The following PLCXD3 variants were observed in gnomAD, a reference collection of about 807,000 sequenced individuals.
The protein encoded by PLCXD3 is PI-PLC X domain-containing protein 3.
PLCXD3 carries 19 observed loss-of-function variants against 25.5 expected under a neutral mutation model. The observed-to-expected ratio is 0.75, with a 90% CI of 0.52 to 1.09. PLCXD3 has a LOEUF of 1.09. Among genes scored for constraint, PLCXD3 ranks in the 50% least tolerant of loss-of-function variants. The pLI is 0.00. For synonymous variants in PLCXD3, 174 were observed against 137.6 expected (o/e 1.26, Z -1.85); for missense variants, 411 against 388.1 (o/e 1.06, Z -0.50).
chr5:41,403,398 G>GTTTTTTTTTTTTTTTTTTTTTTTT (rs764950342), intron 1 of PLCXD3, among the ~76,000 whole-genome samples: 25 of 33,980 alleles, frequency 7.4e-4, no homozygotes, highest in East Asian at 1.8e-3. Context: ...TGACTTATTT[G>GTTTTTTTTTTTTTTTTTTTTTTTT]TTGTTTTTTT....
intron 1 of PLCXD3, among the ~76,000 whole-genome samples, chr5:41,398,473 T>C (rs182332742): frequency 6.6e-6 from 1 of 152,176 alleles, no homozygotes; most frequent in Non-Finnish European, 1.5e-5. Context: ...TTCTTTTCTT[T>C]ATAAGTTACC....
chr5:41,465,191 G>A (rs763773719), intron 1 of PLCXD3, among the ~76,000 whole-genome samples: 4 of 151,560 alleles, frequency 2.6e-5, no homozygotes, highest in South Asian at 2.1e-4. Context: ...TTTGGCCTTC[G>A]CAGTTATTCT....
In PLCXD3 at chr5:41,382,253, T is replaced by C; in HGVS notation, c.385A>G (p.Asn129Asp). The C allele has an allele frequency of 6.2e-7, 1 of 1,613,754 alleles. No individual in the cohort carries two copies. The highest frequency in any genetic ancestry group is 8.5e-7 in the Non-Finnish European group (1 of 1,179,778). Reference sequence around the variant, plus strand: ...TTATGGTGATCTGTGAGGAATGCATTGATCTCCTCAAGGCCTTCATTGACT... The same window carrying C: ...TTATGGTGATCTGTGAGGAATGCATCGATCTCCTCAAGGCCTTCATTGACT... ...AKVNEGLEEI[N>D]AFLTDHHKEV... Residue 129 changes from asparagine (N) to aspartate (D), a missense_variant, in exon 2 of 3, where the codon AAT becomes GAT. Asn to Asp is a conservative substitution (Grantham distance 23). Transcript: ENST00000377801.
intron 1 of PLCXD3, among the ~76,000 whole-genome samples, chr5:41,431,665 T>C (rs1031915517): frequency 6.1e-4 from 93 of 152,222 alleles, no homozygotes; most frequent in African/African-American, 2.1e-3. Context: ...ATTATCTGTT[T>C]TATTTGATTG....
rs1052148066 is a variant in PLCXD3, at chr5:41,355,226, A to G, written c.812+26600T>C. ...CTTGATTATATGACAGACAGAAAAT[A>G]CCCGTGGAGTTTTACATAACATATC... On this transcript the variant is annotated intron_variant, in intron 2 of 2. Transcript: ENST00000377801. 2.2e-4 allele frequency among the ~76,000 whole-genome samples: 34 copies of G among 152,142 alleles called. 1 individual carries two copies. The highest frequency in any genetic ancestry group is 7.2e-4 in the African/African-American group (30 of 41,432).
Position 41,381,714 on chromosome 5 carries a change from A to G in PLCXD3, c.812+112T>C, listed in dbSNP as rs540217112. ...CCAATTAGTGGTACTTTGCTATTGC[A>G]GCCCCAGGGACCTAATATACATAGG... On this transcript the variant is annotated intron_variant, in intron 2 of 2. Transcript: ENST00000377801. 7.5e-6 allele frequency: 7 copies of G among 929,272 alleles called. No homozygotes were observed. The East Asian group carries it at 1.3e-4, about 17-fold the overall frequency. 57.6% of individuals were successfully genotyped at this position (929,272 alleles called of 1,614,324 possible).
intron 1 of PLCXD3, among the ~76,000 whole-genome samples, chr5:41,432,595 A>G (rs1747144017): frequency 6.6e-6 from 1 of 152,236 alleles, no homozygotes; most frequent in Non-Finnish European, 1.5e-5. Flanking sequence ...ACAACCTGCC[A>G]GAGAAAAGCA....
intron 2 of PLCXD3, among the ~76,000 whole-genome samples, chr5:41,317,803 T>C (rs1355087710): frequency 4.0e-5 from 6 of 151,468 alleles, no homozygotes; most frequent in Admixed American, 2.0e-4. Flanking sequence ...GACAGGATAT[T>C]TGAAAATATA....
At chr5:41,339,832 A>T (rs1195131102) in intron 2 of PLCXD3, among the ~76,000 whole-genome samples, 1 of 152,196 alleles carries the variant, frequency 6.6e-6, no homozygotes, top group Non-Finnish European at 1.5e-5. Context: ...AAGATGAATT[A>T]AAATGCTTCC....
intron 1 of PLCXD3, among the ~76,000 whole-genome samples, chr5:41,471,884 TC>T (rs1748173093): frequency 2.6e-4 from 1 of 3,796 alleles, no homozygotes; most frequent in Admixed American, 3.2e-3. Flanking sequence ...TCCCCTCCCT[TC>T]CCCTCCCCTC....
chr5:41,485,272 C>T (rs1748494126), intron 1 of PLCXD3, among the ~76,000 whole-genome samples: 1 of 152,150 alleles, frequency 6.6e-6, no homozygotes. Context: ...TCATTGGGCT[C>T]AAATCCTGTG....
intron 1 of PLCXD3, among the ~76,000 whole-genome samples, chr5:41,438,583 T>G (rs1184536574): frequency 6.6e-6 from 1 of 152,176 alleles, no homozygotes; most frequent in African/African-American, 2.4e-5. Flanking sequence ...CAAGACTCTC[T>G]CTCCCTTTGC....
At chr5:41,438,329 G>C (rs1345757491) in intron 1 of PLCXD3, among the ~76,000 whole-genome samples, 1 of 152,246 alleles carries the variant, frequency 6.6e-6, no homozygotes, top group Admixed American at 6.5e-5. Context: ...AGACAGACAA[G>C]GGTCCCCTGC....
chr5:41,472,165 A>C (rs1029712896), intron 1 of PLCXD3, among the ~76,000 whole-genome samples: 3 of 151,888 alleles, frequency 2.0e-5, no homozygotes, highest in Admixed American at 1.3e-4. Context: ...ATTTAAAGCT[A>C]CAAATGGAAT....
chr5:41,403,401 G>GTTTTTGTTTTTGTTTTTGTTTT (rs1554047952), intron 1 of PLCXD3, among the ~76,000 whole-genome samples: 3 of 18,394 alleles, frequency 1.6e-4, no homozygotes, highest in Admixed American at 5.1e-4. Context: ...CTTATTTGTT[G>GTTTTTGTTTTTGTTTTTGTTTT]TTTTTTTTTT....
At chr5:41,455,580 T>G (rs1302984962) in intron 1 of PLCXD3, among the ~76,000 whole-genome samples, 1 of 151,838 alleles carries the variant, frequency 6.6e-6, no homozygotes, top group Non-Finnish European at 1.5e-5. Flanking sequence ...ACATAAACTC[T>G]GATGGAATGA....
chr5:41,356,235 G>A (rs1263093243), intron 2 of PLCXD3, among the ~76,000 whole-genome samples: 2 of 152,064 alleles, frequency 1.3e-5, no homozygotes, highest in East Asian at 1.9e-4. Flanking sequence ...CACTGCACTC[G>A]AGCCTGGGAG....
At chr5:41,479,146 C>G (rs1199922560) in intron 1 of PLCXD3, among the ~76,000 whole-genome samples, 1 of 152,070 alleles carries the variant, frequency 6.6e-6, no homozygotes, top group Non-Finnish European at 1.5e-5. Context: ...CTATATTATT[C>G]AGTCTTAAAA....
At chr5:41,344,018 A>G (rs1744236283) in intron 2 of PLCXD3, among the ~76,000 whole-genome samples, 2 of 152,112 alleles carry the variant, frequency 1.3e-5, no homozygotes, top group South Asian at 4.1e-4. Context: ...AATGGCATCT[A>G]TGATTCTCCA....
Sources: gnomAD v4.1 joint callset for allele counts (sites outside exome capture counted in the v4.1 genomes callset) on GRCh38, gnomAD v4.1.1 for gene constraint, MANE v1.5 for transcripts, NCBI Gene and HGNC (gene_info 2026-07-23, HGNC 2026-07-21) for gene names.